Variants in CRACR2A observed in about 807,000 individuals in gnomAD.
CRACR2A encodes calcium release activated channel regulator 2A, also known as EF-hand calcium-binding domain-containing protein 4B.
In CRACR2A, 79 loss-of-function variants were observed where a neutral mutation model predicts 90.5. That is an observed-to-expected ratio of 0.87 (90% CI 0.73 to 1.05). The LOEUF is 1.05. Among genes scored for constraint, CRACR2A ranks in the 50% least tolerant of loss-of-function variants. The pLI is 0.00. For missense variants in CRACR2A, 823 were observed against 897.2 expected, an observed-to-expected ratio of 0.92 and a Z score of 1.06; for synonymous variants, 338 against 356.7, an observed-to-expected ratio of 0.95 and a Z score of 0.59.
chr12:3,644,466 T>A (rs1265958080), intron 12 of CRACR2A, 129 bp downstream of exon 12: 1 of 981,162 alleles, frequency 1.0e-6, no homozygotes, highest in Non-Finnish European at 1.6e-6. Flanking sequence ...CAAAACGTTT[T>A]CATGCCGTCA....
At chr12:3,712,789 C>G (rs1408869291) in intron 3 of CRACR2A, among the ~76,000 whole-genome samples, 2 of 152,170 alleles carry the variant, frequency 1.3e-5, no homozygotes, top group Admixed American at 6.5e-5. Flanking sequence ...TAAACACACC[C>G]TCCTCATTGC....
rs145351492 is a variant in CRACR2A, at chr12:3,657,903, G to C, written c.763-1497C>G. ...TACTTCCTTCACGGTCAAACAAACT[G>C]GTAAGGGTCAAGCCAGGATCCAAAT... is the stretch of plus-strand genomic sequence containing the variant. On this transcript the variant is annotated intron_variant, in intron 8 of 19. Transcript: ENST00000440314. Among the ~76,000 whole-genome samples the C allele has an allele frequency of 1.8e-3, 277 of 152,262 alleles. 1 individual carries two copies. Among genetic ancestry groups the C allele is most frequent in the African/African-American group, 6.3e-3 (263 of 41,530 alleles).
At chr12:3,627,875 G>A (rs1161376200) in intron 15 of CRACR2A, among the ~76,000 whole-genome samples, 169 bp from the exon 16 acceptor site, 1 of 152,164 alleles carries the variant, frequency 6.6e-6, no homozygotes, top group Non-Finnish European at 1.5e-5. Flanking sequence ...CACTGGATGG[G>A]GAGGCATGGG....
rs1413402310 is a variant in CRACR2A, at chr12:3,711,235, G to T, written c.-37+2002C>A. On this transcript the variant is annotated intron_variant, in intron 3 of 19. Coordinates refer to ENST00000440314, the MANE Select transcript of CRACR2A (RefSeq NM_001144958.2). The surrounding 1 kb of genome is among the most constrained non-coding windows in gnomAD (Gnocchi z 4.3). ...ATGATGGGACAGGGGCACGACAGAT[G>T]TTCCATCTCTAAAGGGATAGGCTGA... Among the ~76,000 whole-genome samples, 1 of 152,210 alleles carries T rather than the reference G, an allele frequency of 6.6e-6. No individual in the cohort carries two copies. The highest frequency in any genetic ancestry group is 2.4e-5 in the African/African-American group (1 of 41,450).
chr12:3,713,006 C>A (rs1946028599), intron 3 of CRACR2A, among the ~76,000 whole-genome samples: 1 of 151,908 alleles, frequency 6.6e-6, no homozygotes, highest in African/African-American at 2.4e-5. Context: ...CTTAAATGAA[C>A]TTAAGTGATA....
chr12:3,744,675 T>C (rs911258395), intron 1 of CRACR2A, among the ~76,000 whole-genome samples: 4 of 151,978 alleles, frequency 2.6e-5, no homozygotes, highest in Non-Finnish European at 4.4e-5. Flanking sequence ...TTGAAGCAGA[T>C]AATTTTTTTT....
chr12:3,698,933 G>C (rs1421902963), intron 3 of CRACR2A, among the ~76,000 whole-genome samples: 5 of 152,166 alleles, frequency 3.3e-5, no homozygotes, highest in African/African-American at 1.2e-4. Flanking sequence ...CAAGGTCTCT[G>C]CACCCAAGAG....
chr12:3,747,459 C>T (rs370289583), intron 1 of CRACR2A, among the ~76,000 whole-genome samples: 36 of 152,218 alleles, frequency 2.4e-4, no homozygotes, highest in African/African-American at 8.2e-4. Flanking sequence ...ACCAATCCAA[C>T]CCTCTATCCC....
intron 15 of CRACR2A, among the ~76,000 whole-genome samples, chr12:3,629,467 T>C (rs1427239621): frequency 1.3e-5 from 2 of 152,212 alleles, no homozygotes; most frequent in East Asian, 3.9e-4. Flanking sequence ...GCTGCCTGCT[T>C]TCTGGTAACA....
At chr12:3,621,830 C>G (rs1944148222) in intron 17 of CRACR2A, among the ~76,000 whole-genome samples, 1 of 151,886 alleles carries the variant, frequency 6.6e-6, no homozygotes, top group Admixed American at 6.6e-5. Flanking sequence ...GGCTTCCCTG[C>G]AGGGACCCTG....
At chr12:3,710,653 C>T (rs1415966483) in intron 3 of CRACR2A, among the ~76,000 whole-genome samples, 2 of 151,990 alleles carry the variant, frequency 1.3e-5, no homozygotes, top group Non-Finnish European at 2.9e-5. Context: ...ATTAGCTGGG[C>T]ATAGTGATGC....
chr12:3,678,475 G>A (rs369277712), intron 6 of CRACR2A, among the ~76,000 whole-genome samples: 15 of 152,266 alleles, frequency 9.9e-5, no homozygotes, highest in East Asian at 3.9e-4. Flanking sequence ...GGGAGGCACC[G>A]TAGCTCTAGA....
At chr12:3,618,224 AT>A (rs1486700615) in intron 18 of CRACR2A, among the ~76,000 whole-genome samples, 1 of 151,992 alleles carries the variant, frequency 6.6e-6, no homozygotes, top group Non-Finnish European at 1.5e-5. Context: ...GTCCAGGTAT[AT>A]TTTGAAATCC....
intron 7 of CRACR2A, among the ~76,000 whole-genome samples, chr12:3,671,719 C>T (rs2137568593): frequency 6.6e-6 from 1 of 152,294 alleles, no homozygotes; most frequent in East Asian, 1.9e-4. Flanking sequence ...TCCACTTCAG[C>T]CAGACAAATC....
chr12:3,636,812 C>T (rs1439703329), intron 14 of CRACR2A, among the ~76,000 whole-genome samples: 1 of 152,250 alleles, frequency 6.6e-6, no homozygotes, highest in Non-Finnish European at 1.5e-5. Context: ...GATCTGCAGG[C>T]ATGAGTCTTA....
At chr12:3,662,798 G>A (rs1945062148) in intron 7 of CRACR2A, among the ~76,000 whole-genome samples, 1 of 152,240 alleles carries the variant, frequency 6.6e-6, no homozygotes, top group African/African-American at 2.4e-5. Flanking sequence ...GGCAGTGGCA[G>A]CAAGAGACAC....
At chr12:3,649,461 C>T (rs533097446) in intron 10 of CRACR2A, among the ~76,000 whole-genome samples, 338 of 152,282 alleles carry the variant, frequency 2.2e-3, no homozygotes, top group Middle Eastern at 6.8e-3. Context: ...CTCTTTCCCA[C>T]CCTCCTCCCA....
intron 4 of CRACR2A, among the ~76,000 whole-genome samples, chr12:3,693,154 G>T (rs1347115018): frequency 6.6e-6 from 1 of 152,232 alleles, no homozygotes; most frequent in Non-Finnish European, 1.5e-5. Flanking sequence ...GCAAAGCAAT[G>T]CGGGGGCTGC....
At position 3,672,752 on chromosome 12, in the gene CRACR2A, G is replaced by A. The variant is rs535308458; in HGVS notation, c.671+694C>T. 5.1e-6 allele frequency: 5 copies of A among 985,464 alleles called. No individual in the cohort carries two copies. In the African/African-American group the frequency reaches 5.2e-5, roughly 10 times the overall value. 61.0% of individuals were successfully genotyped at this position (985,464 alleles called of 1,614,324 possible). ...ACCTGCCTGTTCTGACTCTGGTTCA[G>A]TTCTTCAGCAGCTTCTTCAGGGCTG... On this transcript the variant is annotated intron_variant, in intron 7 of 19. Transcript: ENST00000440314.
Sources: gnomAD v4.1 joint callset for allele counts (sites outside exome capture counted in the v4.1 genomes callset) on GRCh38, gnomAD v4.1.1 for gene constraint, Gnocchi (gnomAD v3.1) non-coding constraint, MANE v1.5 for transcripts, NCBI Gene and HGNC (gene_info 2026-07-23, HGNC 2026-07-21) for gene names.